The following RASGRF2 variants were observed in gnomAD, a reference collection of about 807,000 sequenced individuals.
The protein encoded by RASGRF2 is ras-specific guanine nucleotide-releasing factor 2.
Under a neutral mutation model 151.0 loss-of-function variants are expected in RASGRF2, and 76 were observed. The observed-to-expected ratio is 0.50, with a 90% CI of 0.42 to 0.61. The LOEUF (loss-of-function observed/expected upper bound fraction) is 0.61. Ranked by LOEUF, RASGRF2 falls within the 20% of genes least tolerant of loss-of-function variation. The probability of loss-of-function intolerance (pLI) is 0.00; values close to 1 mark genes in which losing one functional copy is unlikely to be tolerated. For synonymous variants in RASGRF2, 504 were observed against 566.5 expected, an observed-to-expected ratio of 0.89 and a Z score of 1.57; for missense variants, 1,148 against 1,564.6, an observed-to-expected ratio of 0.73 and a Z score of 4.49.
intron 2 of RASGRF2, among the ~76,000 whole-genome samples, chr5:81,054,994 C>T (rs554938062): frequency 2.0e-4 from 30 of 152,156 alleles, no homozygotes; most frequent in South Asian, 1.0e-3. Context: ...GAGACTTTGC[C>T]GAAGTTGCTT....
intron 2 of RASGRF2, among the ~76,000 whole-genome samples, chr5:81,057,046 G>C (rs1345504893): frequency 6.6e-6 from 1 of 152,120 alleles, no homozygotes; most frequent in Non-Finnish European, 1.5e-5. Context: ...TGGGTCTCCT[G>C]AATACCCGCA....
chr5:80,998,140 A>C (rs1240165299), intron 1 of RASGRF2: 1 of 152,148 alleles, frequency 6.6e-6, no homozygotes, highest in Non-Finnish European at 1.5e-5. Flanking sequence ...TGCTGAACAC[A>C]CTTCCTTCCA....
At chr5:81,112,472 CTG>C in intron 13 of RASGRF2, 136 bp from the exon 14 acceptor site, 1 of 1,141,946 alleles carries the variant, frequency 8.8e-7, no homozygotes. Context: ...TGAGGGACAA[CTG>C]TGCAATTATC....
intron 1 of RASGRF2, among the ~76,000 whole-genome samples, chr5:81,000,354 G>C (rs774189559): frequency 1.8e-4 from 28 of 152,172 alleles, no homozygotes; most frequent in Non-Finnish European, 8.8e-5. Context: ...CGATTCTTCT[G>C]CCTCAGCCTC....
chr5:81,211,697 G>A (rs1047454154), intron 22 of RASGRF2, among the ~76,000 whole-genome samples: 5 of 152,098 alleles, frequency 3.3e-5, no homozygotes, highest in African/African-American at 1.2e-4. Flanking sequence ...TTGTTAATAC[G>A]GTAATCTCAT....
intron 1 of RASGRF2, among the ~76,000 whole-genome samples, chr5:81,010,307 C>T (rs751332503): frequency 1.9e-4 from 29 of 152,100 alleles, no homozygotes; most frequent in Non-Finnish European, 3.2e-4. Flanking sequence ...ATTATTTTCA[C>T]GGACGAAAAA....
At chr5:81,175,407 G>A (rs926299178) in intron 17 of RASGRF2, among the ~76,000 whole-genome samples, 6 of 152,108 alleles carry the variant, frequency 3.9e-5, no homozygotes, top group African/African-American at 1.4e-4. Context: ...CCAAGTGCAC[G>A]GTAGTATACA....
At chr5:80,968,739 A>G (rs1747804267) in intron 1 of RASGRF2, among the ~76,000 whole-genome samples, 1 of 152,186 alleles carries the variant, frequency 6.6e-6, no homozygotes, top group South Asian at 2.1e-4. Context: ...GCTGGAGTGA[A>G]GTGGCGCAGT....
chr5:81,150,357 T>C (rs1371954496), intron 17 of RASGRF2, among the ~76,000 whole-genome samples: 1 of 152,224 alleles, frequency 6.6e-6, no homozygotes, highest in African/African-American at 2.4e-5. Flanking sequence ...AGGGCTCTCC[T>C]GAGGATTAAA....
At chr5:81,200,962 G>A (rs919287453) in intron 18 of RASGRF2, among the ~76,000 whole-genome samples, 1 of 152,126 alleles carries the variant, frequency 6.6e-6, no homozygotes, top group Admixed American at 6.5e-5. Flanking sequence ...TTGGGGGCGT[G>A]GTACGTGTTG....
intron 12 of RASGRF2, among the ~76,000 whole-genome samples, chr5:81,101,539 G>T (rs1054311720): frequency 2.0e-5 from 3 of 151,854 alleles, no homozygotes; most frequent in African/African-American, 7.3e-5. Flanking sequence ...CTGGGGATGG[G>T]AACTCATTTT....
At chr5:81,039,233 T>A (rs1436295927) in intron 1 of RASGRF2, among the ~76,000 whole-genome samples, 1 of 152,154 alleles carries the variant, frequency 6.6e-6, no homozygotes, top group African/African-American at 2.4e-5. Context: ...TTTTGATTTT[T>A]CCAACTTTCT....
At chr5:81,110,221 C>G (rs1041950595) in intron 13 of RASGRF2, among the ~76,000 whole-genome samples, 4 of 152,190 alleles carry the variant, frequency 2.6e-5, no homozygotes, top group Non-Finnish European at 5.9e-5. Context: ...GCACTCACTT[C>G]CTTTTAAAAC....
chr5:81,019,363 C>T (rs1437234871), intron 1 of RASGRF2: 1 of 152,184 alleles, frequency 6.6e-6, no homozygotes, highest in African/African-American at 2.4e-5. Context: ...AACAGTAGTC[C>T]CCTGTGCGTT....
chr5:81,190,585 T>C (rs1755134951), intron 18 of RASGRF2, among the ~76,000 whole-genome samples: 1 of 152,242 alleles, frequency 6.6e-6, no homozygotes, highest in South Asian at 2.1e-4. Context: ...GTATGGATTT[T>C]CTTTTCTTTT....
chr5:81,167,016 CT>C (rs1267319419), intron 17 of RASGRF2, among the ~76,000 whole-genome samples: 1 of 152,178 alleles, frequency 6.6e-6, no homozygotes, highest in Non-Finnish European at 1.5e-5. Context: ...TGACTTCAGT[CT>C]TTAAGTCATA....
At chr5:80,999,088 A>T (rs1452558098) in intron 1 of RASGRF2, among the ~76,000 whole-genome samples, 5 of 151,998 alleles carry the variant, frequency 3.3e-5, no homozygotes, top group Non-Finnish European at 7.4e-5. Context: ...TCCTAATCTG[A>T]GGGTGCCACT....
chr5:81,071,181 T>C (rs77349379), intron 4 of RASGRF2, among the ~76,000 whole-genome samples: 2,324 of 152,334 alleles, frequency 0.015, 63 homozygotes, highest in African/African-American at 0.053. Flanking sequence ...GATTGTCTTA[T>C]ATAAAGCACT....
intron 5 of RASGRF2, among the ~76,000 whole-genome samples, chr5:81,074,533 T>C (rs115417210): frequency 0.015 from 2,299 of 152,294 alleles, 60 homozygotes; most frequent in African/African-American, 0.052. Flanking sequence ...ATCCTTTCAG[T>C]GTTTCTCAAT....
Sources: gnomAD v4.1 joint callset for allele counts (sites outside exome capture counted in the v4.1 genomes callset) on GRCh38, gnomAD v4.1.1 for gene constraint, MANE v1.5 for transcripts, NCBI Gene and HGNC (gene_info 2026-07-23, HGNC 2026-07-21) for gene names.